Variants in CDC42 observed in about 807,000 individuals in gnomAD.
CDC42 encodes the protein cell division control protein 42 homolog.
A neutral mutation model predicts 20.8 loss-of-function variants in CDC42; 1 was observed. The ratio of observed to expected loss-of-function variants is 0.05; its 90% CI spans 0.02 to 0.23. The LOEUF (loss-of-function observed/expected upper bound fraction) is 0.23. Among genes scored for constraint, CDC42 ranks in the 10% least tolerant of loss-of-function variants. The pLI, the probability that CDC42 is intolerant of heterozygous loss-of-function variation, is 1.00. For synonymous variants in CDC42, 72 were observed against 84.8 expected, an observed-to-expected ratio of 0.85 and a Z score of 0.83; for missense variants, 49 against 227.9, an observed-to-expected ratio of 0.21 and a Z score of 5.05.
At chr1:22,069,310 G>A (rs1645458016) in intron 1 of CDC42, among the ~76,000 whole-genome samples, 2 of 151,144 alleles carry the variant, frequency 1.3e-5, no homozygotes, top group Admixed American at 6.6e-5. Context: ...CAAATAGCTG[G>A]GACTACAGGT....
chr1:22,081,846 G>T (rs780801100), intron 3 of CDC42, 52 bp downstream of exon 3: 3 of 1,173,758 alleles, frequency 2.6e-6, no homozygotes, highest in Non-Finnish European at 3.8e-6. Context: ...GTTGCTAGTT[G>T]TCTGTCTCTT....
At position 22,096,551 on chromosome 1, in the gene CDC42, CAT is replaced by C. The variant is rs1416536289; in HGVS notation, c.*5035_*5036del. ...CTGTTCCCTTCCCTGGCACTGGAGA[CAT>C]TGGAGAATGACAGTCTCAAGCAGTG... On this transcript the variant is annotated 3_prime_UTR_variant, in exon 6 of 6. Transcript: ENST00000656825. 2.6e-5 allele frequency among the ~76,000 whole-genome samples: 4 copies of C among 152,198 alleles called. No individual in the cohort carries two copies. The highest frequency in any genetic ancestry group is 2.0e-4 in the Admixed American group (3 of 15,278).
chr1:22,086,387 G>A, intron 3 of CDC42, 52 bp from the exon 4 acceptor site: 2 of 1,217,100 alleles, frequency 1.6e-6, no homozygotes, highest in South Asian at 1.4e-5. Context: ...AACACTTTGA[G>A]GACACCAAGA....
At chr1:22,057,537 A>C (rs1340237662) in intron 1 of CDC42, among the ~76,000 whole-genome samples, 1 of 151,804 alleles carries the variant, frequency 6.6e-6, no homozygotes, top group African/African-American at 2.4e-5. Flanking sequence ...GGCATGCGTC[A>C]GCGCCCCTGG....
intron 1 of CDC42, among the ~76,000 whole-genome samples, chr1:22,066,026 T>G (rs1569978616): frequency 6.6e-6 from 1 of 152,168 alleles, no homozygotes; most frequent in South Asian, 2.1e-4. Flanking sequence ...TCCCAAAGTG[T>G]TGGGATTACA....
intron 3 of CDC42, among the ~76,000 whole-genome samples, chr1:22,083,324 C>G (rs539766946): frequency 6.6e-6 from 1 of 151,778 alleles, no homozygotes; most frequent in African/African-American, 2.4e-5. Context: ...ATTTTAAGGC[C>G]AGGCGCGGTG....
At chr1:22,090,961 C>G (rs1645709862) in intron 5 of CDC42, among the ~76,000 whole-genome samples, 1 of 152,150 alleles carries the variant, frequency 6.6e-6, no homozygotes, top group Non-Finnish European at 1.5e-5. Flanking sequence ...CTACCATAAT[C>G]ACCCTCTCTC....
At chr1:22,087,858 A>G (rs1645676382) in intron 5 of CDC42, among the ~76,000 whole-genome samples, 1 of 152,222 alleles carries the variant, frequency 6.6e-6, no homozygotes, top group Admixed American at 6.5e-5. Context: ...ATGATTACTT[A>G]TTACATATGC....
intron 1 of CDC42, among the ~76,000 whole-genome samples, chr1:22,056,926 T>C (rs1645310037): frequency 1.3e-5 from 2 of 152,284 alleles, no homozygotes; most frequent in African/African-American, 4.8e-5. Context: ...ACTGTTGTTC[T>C]GTAATGCTTT....
intron 1 of CDC42, among the ~76,000 whole-genome samples, chr1:22,057,085 T>C (rs897132260): frequency 6.6e-6 from 1 of 152,258 alleles, no homozygotes; most frequent in African/African-American, 2.4e-5. Context: ...AGATCCTGGT[T>C]CTGCCACTTA....
At position 22,086,659 on chromosome 1, in the gene CDC42, C is replaced by G. The variant is rs749458285; in HGVS notation, c.289-10C>G. On this transcript the variant is annotated splice_polypyrimidine_tract_variant and intron_variant, in intron 4 of 5. Transcript: ENST00000656825. ...TTAACAAAGGTGTATTTTAAAATACCTTTTTTTAGTGGGTGCCTGAGATAA... is the reference window on the plus strand; with the variant it reads ...TTAACAAAGGTGTATTTTAAAATACGTTTTTTTAGTGGGTGCCTGAGATAA... 2.5e-6 allele frequency: 4 copies of G among 1,612,796 alleles called. No homozygotes were observed. Among genetic ancestry groups the G allele is most frequent in the South Asian group, 2.2e-5 (2 of 91,036 alleles).
chr1:22,069,102 T>G (rs1359369902), intron 1 of CDC42, among the ~76,000 whole-genome samples: 1 of 151,712 alleles, frequency 6.6e-6, no homozygotes, highest in Non-Finnish European at 1.5e-5. Context: ...AATGAGTAGA[T>G]GAATGAGTAG....
At chr1:22,078,767 C>T in intron 2 of CDC42, 184 bp downstream of exon 2, 1 of 1,480,738 alleles carries the variant, frequency 6.8e-7, no homozygotes, top group Non-Finnish European at 9.0e-7. Context: ...AGTGGAAAGT[C>T]AGAAGGGGTG....
chr1:22,063,940 G>A (rs1645392930), intron 1 of CDC42: 1 of 152,058 alleles, frequency 6.6e-6, no homozygotes, highest in South Asian at 2.1e-4. Context: ...GGCTGGTCTG[G>A]AACTCCTGAC....
At chr1:22,082,601 T>A (rs2056974) in intron 3 of CDC42, among the ~76,000 whole-genome samples, 113,455 of 152,148 alleles carry the variant, frequency 0.75, 42,519 homozygotes, top group South Asian at 0.88. Flanking sequence ...GTAGGAATTC[T>A]AAACTTTGTG....
intron 1 of CDC42, among the ~76,000 whole-genome samples, chr1:22,054,191 C>A (rs1569941298): frequency 6.6e-6 from 1 of 152,026 alleles, no homozygotes; most frequent in South Asian, 2.1e-4. Flanking sequence ...ATTTTGAGAT[C>A]ACAATTTTTA....
In CDC42 at chr1:22,099,293, C is replaced by T. The variant is rs1025722472; in HGVS notation, c.*7776C>T. ...ATGGGGACATATTCTGGCGAAATAACAGCTTTGTTAATTGAGCTCTTACTG... is the reference window on the plus strand; with the variant it reads ...ATGGGGACATATTCTGGCGAAATAATAGCTTTGTTAATTGAGCTCTTACTG... On this transcript the variant is annotated 3_prime_UTR_variant, in exon 6 of 6. Transcript: ENST00000656825. 1.3e-5 allele frequency among the ~76,000 whole-genome samples: 2 copies of T among 152,250 alleles called. No homozygotes were observed. The highest frequency in any genetic ancestry group is 4.8e-5 in the African/African-American group (2 of 41,466).
rs1645752310 is a variant in CDC42, at chr1:22,095,574, G to T, written c.*4057G>T. ...GTGAGCCACCGCGCCTGGCCAGAAT[G>T]AATACTTTTAATTACTACTATGAGT... On this transcript the variant is annotated 3_prime_UTR_variant, in exon 6 of 6. Transcript: ENST00000656825. Among the ~76,000 whole-genome samples the T allele has an allele frequency of 6.6e-6, 1 of 152,106 alleles. No homozygotes were observed. The highest frequency in any genetic ancestry group is 2.4e-5 in the African/African-American group (1 of 41,424).
intron 1 of CDC42, among the ~76,000 whole-genome samples, chr1:22,066,156 A>AT (rs1398289375): frequency 6.6e-6 from 1 of 152,094 alleles, no homozygotes; most frequent in Non-Finnish European, 1.5e-5. Flanking sequence ...TATTGGCTGC[A>AT]TTGGGACGGG....
Sources: allele counts gnomAD v4.1 joint callset (sites outside exome capture counted in the v4.1 genomes callset), GRCh38; gene constraint gnomAD v4.1.1; transcripts MANE v1.5; gene names NCBI Gene and HGNC (gene_info 2026-07-23, HGNC 2026-07-21).